PTPRG: variants seen among roughly 807,000 people sequenced by gnomAD.
The protein encoded by PTPRG is protein tyrosine phosphatase receptor type G.
Under a neutral mutation model 165.3 loss-of-function variants are expected in PTPRG, and 102 were observed. The ratio of observed to expected loss-of-function variants is 0.62; its 90% CI spans 0.53 to 0.73. The LOEUF is 0.73. PTPRG is among the 30% of genes least tolerant of loss of function. PTPRG has a pLI of 0.00. For missense variants in PTPRG, 1,866 were observed against 1,861.4 expected (o/e 1.00, Z -0.05); for synonymous variants, 675 against 669.5 (o/e 1.01, Z -0.13).
At position 61,569,476 on chromosome 3, in the gene PTPRG, A is replaced by G. The variant is rs576739398; in HGVS notation, c.85+7104A>G. Among the ~76,000 whole-genome samples, 7 of 152,176 alleles carry G rather than the reference A, an allele frequency of 4.6e-5. No homozygotes were observed. In the East Asian group the frequency reaches 1.2e-3, roughly 25 times the overall value. ...GCTCAATAACCATTTTTTTAAATCA[A>G]AAGTTTTATATGTTTATTTTTATAG... On this transcript the variant is annotated intron_variant, in intron 1 of 29. Coordinates refer to ENST00000474889, the MANE Select transcript of PTPRG (RefSeq NM_002841.4).
At chr3:61,822,743 G>A (rs968650506) in intron 2 of PTPRG, among the ~76,000 whole-genome samples, 1 of 152,122 alleles carries the variant, frequency 6.6e-6, no homozygotes, top group Non-Finnish European at 1.5e-5. Flanking sequence ...TATTTTTGGT[G>A]CAAAAATAGT....
At chr3:61,771,280 C>CTATG (rs1333508903) in intron 2 of PTPRG, 1 of 151,818 alleles carries the variant, frequency 6.6e-6, no homozygotes, top group East Asian at 1.9e-4. Flanking sequence ...GTTTCTTACT[C>CTATG]TATGTTCAGC....
chr3:61,880,282 T>C (rs2037848466), intron 2 of PTPRG, among the ~76,000 whole-genome samples: 1 of 152,220 alleles, frequency 6.6e-6, no homozygotes, highest in African/African-American at 2.4e-5. Flanking sequence ...TCCCCACTGC[T>C]ACCTTTTCTA....
intron 2 of PTPRG, chr3:61,770,730 T>C (rs1004792022): frequency 6.6e-6 from 1 of 152,338 alleles, no homozygotes; most frequent in East Asian, 1.9e-4. Context: ...ATCTAGGATT[T>C]TAATTTAATA....
Position 61,662,130 on chromosome 3 carries a change from T to C in PTPRG, c.86-86748T>C, listed in dbSNP as rs184251544. On this transcript the variant is annotated intron_variant, in intron 1 of 29. Coordinates refer to ENST00000474889, the MANE Select transcript of PTPRG (RefSeq NM_002841.4). ...TGTCTTGGAAGGGGTTAGAAGGTAA[T>C]AGTCATTTGAACATATGTCCACAAA... 1.5e-4 allele frequency among the ~76,000 whole-genome samples: 23 copies of C among 152,326 alleles called. No individual in the cohort carries two copies. The East Asian group carries it at 4.0e-3, about 27-fold the overall frequency.
intron 2 of PTPRG, among the ~76,000 whole-genome samples, chr3:61,939,744 ACT>A (rs1553694118): frequency 6.6e-6 from 1 of 151,966 alleles, no homozygotes; most frequent in Non-Finnish European, 1.5e-5. Flanking sequence ...TAAATAGGGA[ACT>A]CTGTTTTGCC....
rs1201083278 is a variant in PTPRG at position 62,219,405 on chromosome 3, ATTT to A, written c.2288+428_2288+430del. ...CATAATAACTCCTCTTTACCTTAGAATTTTTTTTCATAGTCTTTCACTGAAAAT... is the reference window on the plus strand; with the variant it reads ...CATAATAACTCCTCTTTACCTTAGAATTTTTCATAGTCTTTCACTGAAAAT... On this transcript the variant is annotated intron_variant, in intron 13 of 29. Transcript: ENST00000474889. This position sits in a 1 kb window ranked among gnomAD's most constrained non-coding sequence, Gnocchi z 4.5. Among the ~76,000 whole-genome samples the A allele has an allele frequency of 6.6e-6, 1 of 152,120 alleles. No homozygotes were observed. The highest frequency in any genetic ancestry group is 2.4e-5 in the African/African-American group (1 of 41,414).
At chr3:62,145,204 AC>A (rs1359929850) in intron 6 of PTPRG, among the ~76,000 whole-genome samples, 1 of 152,082 alleles carries the variant, frequency 6.6e-6, no homozygotes, top group Non-Finnish European at 1.5e-5. Flanking sequence ...ACCTGAACAA[AC>A]CACTTCACCT....
chr3:61,854,556 T>A (rs1461540166), intron 2 of PTPRG, among the ~76,000 whole-genome samples: 2 of 152,204 alleles, frequency 1.3e-5, no homozygotes, highest in Non-Finnish European at 2.9e-5. Flanking sequence ...GAATACATGC[T>A]TTTTAAAACG....
intron 2 of PTPRG, among the ~76,000 whole-genome samples, chr3:61,787,290 T>C (rs1252000342): frequency 6.6e-6 from 1 of 152,234 alleles, no homozygotes; most frequent in Non-Finnish European, 1.5e-5. Flanking sequence ...TAAGGATAAT[T>C]ACTCTGGAAA....
rs538902396 is a variant in PTPRG, at chr3:62,243,896, C to T, written c.2465C>T (p.Pro822Leu). 3.2e-5 allele frequency: 49 copies of T among 1,512,920 alleles called. No individual in the cohort carries two copies. The highest frequency in any genetic ancestry group is 1.7e-4 in the Middle Eastern group (1 of 5,846). The allele number at this position is 1,512,920 out of a possible 1,614,324, so 93.7% of individuals were successfully genotyped here. The part of the protein sequence containing the change: ...PNESIPIIPI[P>L]DDMEAIPVKQ... ...GAAAGTATCCCTATTATTCCTATTC[C>T]GGGTAAGTAAGACACTGCTCTTATT... Residue 822 changes from proline to leucine, a missense_variant and splice_region_variant, in exon 15 of 30, where the codon CCG becomes CTG. By Grantham distance (98) the Pro-to-Leu change is moderately conservative. Coordinates refer to ENST00000474889, the MANE Select transcript of PTPRG (RefSeq NM_002841.4).
intron 4 of PTPRG, among the ~76,000 whole-genome samples, chr3:62,044,996 T>A (rs991819457): frequency 1.3e-5 from 2 of 152,178 alleles, no homozygotes; most frequent in African/African-American, 2.4e-5. Context: ...CAAAAGAGTG[T>A]GACCCGGATG....
intron 14 of PTPRG, among the ~76,000 whole-genome samples, chr3:62,236,194 C>T (rs1701029971): frequency 6.6e-6 from 1 of 152,188 alleles, no homozygotes; most frequent in Non-Finnish European, 1.5e-5. Flanking sequence ...ACATTGGGCT[C>T]CTTTCCAAGT....
chr3:61,749,477 G>T (rs2033345971), intron 2 of PTPRG: 1 of 223,760 alleles, frequency 4.5e-6, no homozygotes, highest in African/African-American at 2.4e-5. Flanking sequence ...ATGGTAATCT[G>T]CAGTCCTTTT....
In PTPRG at chr3:62,271,679, G is replaced by A. The variant is rs759697441; in HGVS notation, c.3182+124G>A. 1.2e-6 allele frequency: 1 copy of A among 813,328 alleles called. No homozygotes were observed. The highest frequency in any genetic ancestry group is 1.9e-6 in the Non-Finnish European group (1 of 535,340). 50.4% of individuals were successfully genotyped at this position (813,328 alleles called of 1,614,324 possible). A position where few individuals can be genotyped will look rare whatever the true frequency, so the allele number is the denominator to read the frequency against. ...TGAATCTTCCACTGGAAACTGGGAT[G>A]GATAAGACCTATGATAGTCTTAAAG... On this transcript the variant is annotated intron_variant, in intron 21 of 29. Coordinates refer to ENST00000474889, the MANE Select transcript of PTPRG (RefSeq NM_002841.4). The surrounding 1 kb of genome is among the most constrained non-coding windows in gnomAD (Gnocchi z 4.1).
intron 1 of PTPRG, among the ~76,000 whole-genome samples, chr3:61,626,292 C>CT: frequency 6.6e-6 from 1 of 152,090 alleles, no homozygotes; most frequent in Non-Finnish European, 1.5e-5. Flanking sequence ...CTGTGTTTTG[C>CT]TTTTTGTTTC....
At chr3:61,591,823 C>T (rs1055170387) in intron 1 of PTPRG, among the ~76,000 whole-genome samples, 10 of 152,110 alleles carry the variant, frequency 6.6e-5, no homozygotes, top group African/African-American at 2.2e-4. Flanking sequence ...AGATACGGTG[C>T]GATTCCTGTT....
chr3:62,276,007 G>C (rs1702221237), intron 24 of PTPRG, 41 bp downstream of exon 24: 1 of 1,455,680 alleles, frequency 6.9e-7, no homozygotes, highest in African/African-American at 1.4e-5. Flanking sequence ...TTTTATACTG[G>C]ATTGTATGTT....
chr3:61,582,002 C>G (rs1033616989), intron 1 of PTPRG, among the ~76,000 whole-genome samples: 4 of 151,948 alleles, frequency 2.6e-5, no homozygotes, highest in African/African-American at 4.8e-5. Flanking sequence ...GAGTCTTGCT[C>G]TAACACCCAG....
Sources: gnomAD v4.1 joint callset for allele counts (sites outside exome capture counted in the v4.1 genomes callset) on GRCh38, gnomAD v4.1.1 for gene constraint, Gnocchi (gnomAD v3.1) non-coding constraint, MANE v1.5 for transcripts, NCBI Gene and HGNC (gene_info 2026-07-23, HGNC 2026-07-21) for gene names.